The following WNT8A variants were observed in gnomAD, a reference collection of about 807,000 sequenced individuals.
WNT8A encodes the protein Wnt family member 8A.
A neutral mutation model predicts 20.5 loss-of-function variants in WNT8A; 14 were observed. The observed-to-expected ratio is 0.68, with a 90% CI of 0.45 to 1.07. The LOEUF (loss-of-function observed/expected upper bound fraction) is 1.07, where lower values mean the gene tolerates loss of function less well. WNT8A is among the 50% of genes least tolerant of loss of function. The probability of loss-of-function intolerance (pLI) is 0.00; values close to 1 mark genes in which losing one functional copy is unlikely to be tolerated. For synonymous variants in WNT8A, 167 were observed against 169.2 expected (o/e 0.99, Z 0.10); for missense variants, 397 against 462.9 (o/e 0.86, Z 1.31).
chr5:138,085,873 A>G (rs1750645270), intron 2 of WNT8A, among the ~76,000 whole-genome samples: 1 of 151,660 alleles, frequency 6.6e-6, no homozygotes, highest in African/African-American at 2.4e-5. Flanking sequence ...AAAAAAAAAA[A>G]AAGATGAGGT....
rs546666934 is a variant in WNT8A, at chr5:138,084,515, G to C, written c.174G>C (p.Thr58=). The C allele has an allele frequency of 1.2e-6, 2 of 1,611,852 alleles. No homozygotes were observed. Among genetic ancestry groups the C allele is most frequent in the Non-Finnish European group, 1.7e-6 (2 of 1,178,872 alleles). ...TTTGCCAGGCCTATCTGACCTACAC[G>C]ACTAGTGTGGCCTTGGGTGCCCAGA... is the stretch of plus-strand genomic sequence containing the variant. ...ITGPKAYLTY[T]TSVALGAQSG... The change falls in exon 2 of 5, where the codon ACG becomes ACC. Residue 58 remains threonine, a synonymous_variant. Transcript: ENST00000506684.
In WNT8A at chr5:138,091,315, C is replaced by A. The variant is rs754071189; in HGVS notation, c.*242C>A. Reference sequence around the variant, plus strand: ...ACCCCCATTTCATCTTTCCTGCAAACTACTTTCCCATCTTTGTGCCTGTAC... The same window carrying A: ...ACCCCCATTTCATCTTTCCTGCAAAATACTTTCCCATCTTTGTGCCTGTAC... On this transcript the variant is annotated 3_prime_UTR_variant, in exon 5 of 5. Coordinates refer to ENST00000506684, the MANE Select transcript of WNT8A (RefSeq NM_001300939.2). The A allele has an allele frequency of 2.6e-6, 4 of 1,517,018 alleles. No homozygotes were observed. In the Admixed American group the frequency reaches 7.0e-5, roughly 26 times the overall value. 94.0% of individuals were successfully genotyped at this position (1,517,018 alleles called of 1,614,324 possible).
intron 2 of WNT8A, among the ~76,000 whole-genome samples, chr5:138,085,853 CAAA>C (rs11377173): frequency 2.8e-4 from 21 of 74,918 alleles, no homozygotes; most frequent in African/African-American, 9.6e-4. Context: ...GACCTTGTCT[CAAA>C]AAAAAAAAAA....
chr5:138,083,434 C>T (rs1750560667), upstream of WNT8A, among the ~76,000 whole-genome samples: 1 of 152,086 alleles, frequency 6.6e-6, no homozygotes. Context: ...AAGGAAATTT[C>T]CCAGCAGTTG....
chr5:138,086,587 A>C (rs1159051652), intron 2 of WNT8A, among the ~76,000 whole-genome samples: 2 of 151,998 alleles, frequency 1.3e-5, no homozygotes, highest in Non-Finnish European at 2.9e-5. Context: ...GAGGCTGAAA[A>C]AATATGCATT....
downstream of WNT8A, chr5:138,091,610 T>A (rs1581365138): frequency 1.2e-6 from 1 of 813,100 alleles, no homozygotes; most frequent in East Asian, 6.4e-5. Context: ...AAGTATGCAC[T>A]TTTGAAAAGC....
At chr5:138,090,005 G>T (rs2151148363) in intron 4 of WNT8A, among the ~76,000 whole-genome samples, 1 of 152,234 alleles carries the variant, frequency 6.6e-6, no homozygotes, top group South Asian at 2.1e-4. Context: ...GTAATTCATT[G>T]CCTTGGGGGT....
At chr5:138,087,733 T>C (rs1750716642) in intron 2 of WNT8A, 73 bp from the exon 3 acceptor site, 2 of 1,521,274 alleles carry the variant, frequency 1.3e-6, no homozygotes, top group Non-Finnish European at 1.8e-6. Flanking sequence ...ATAAACAGTA[T>C]TATTTTTCCA....
chr5:138,090,873 G>A lies in WNT8A; in HGVS notation c.910G>A (p.Glu304Lys). The change falls in exon 5 of 5, where the codon GAG becomes AAG. Residue 304 changes from glutamate to lysine, a missense_variant. By Grantham distance (56) the Glu-to-Lys change is moderately conservative. Coordinates refer to ENST00000506684, the MANE Select transcript of WNT8A (RefSeq NM_001300939.2). Reference sequence around the variant, plus strand: ...GAACAGCCACAACACATCCAGGTGGGAGCGACGTAGCTGTGGGCGCCTGTG... The same window carrying A: ...GAACAGCCACAACACATCCAGGTGGAAGCGACGTAGCTGTGGGCGCCTGTG... Reference protein sequence around the residue: ...LQNSHNTSRWERRSCGRLCTE... With the variant: ...LQNSHNTSRWKRRSCGRLCTE... 6.2e-7 allele frequency: 1 copy of A among 1,614,226 alleles called. No individual in the cohort carries two copies. Among genetic ancestry groups the A allele is most frequent in the Non-Finnish European group, 8.5e-7 (1 of 1,180,038 alleles).
In WNT8A at chr5:138,091,056, G is replaced by T; in HGVS notation, c.1093G>T (p.Gly365Cys). ...ARSPGSAQSL[G>C]KGSA is the part of the protein sequence containing the mutation. ...CTCCCCAGGCAGTGCCCAGTCCCTGGGTAAGGGCAGTGCCTGATAATACCC... is the reference window on the plus strand; with the variant it reads ...CTCCCCAGGCAGTGCCCAGTCCCTGTGTAAGGGCAGTGCCTGATAATACCC... The change falls in exon 5 of 5, where the codon GGT becomes TGT. Residue 365 changes from glycine (G) to cysteine (C), a missense_variant. Coordinates refer to ENST00000506684, the MANE Select transcript of WNT8A (RefSeq NM_001300939.2). The T allele has an allele frequency of 6.2e-7, 1 of 1,611,936 alleles. No homozygotes were observed. The highest frequency in any genetic ancestry group is 2.2e-5 in the East Asian group (1 of 44,860).
At chr5:138,079,613 A>G (rs73792425), upstream of WNT8A, among the ~76,000 whole-genome samples, 25,682 of 152,032 alleles carry the variant, frequency 0.17, 2,287 homozygotes, top group African/African-American at 0.18. Context: ...CACCCAAGCC[A>G]GTTGTTAATC....
In WNT8A at chr5:138,084,655, C is replaced by T. The variant is rs1022529531; in HGVS notation, c.295+19C>T. On this transcript the variant is annotated intron_variant, in intron 2 of 4. Coordinates refer to ENST00000506684, the MANE Select transcript of WNT8A (RefSeq NM_001300939.2). Reference sequence around the variant, plus strand: ...AGAAGTGGTAAGTTTGTGTGGGACTCACCTGTACAAGGGGTATATATGTGA... The same window carrying T: ...AGAAGTGGTAAGTTTGTGTGGGACTTACCTGTACAAGGGGTATATATGTGA... The T allele has an allele frequency of 6.3e-7, 1 of 1,595,954 alleles. No homozygotes were observed. Among genetic ancestry groups the T allele is most frequent in the African/African-American group, 1.3e-5 (1 of 74,626 alleles).
upstream of WNT8A, chr5:138,083,897 C>G (rs1169756307): frequency 5.8e-6 from 3 of 517,638 alleles, no homozygotes; most frequent in Non-Finnish European, 9.9e-6. Flanking sequence ...AACTGAGTCC[C>G]TCCTCCCAGA....
intron 2 of WNT8A, among the ~76,000 whole-genome samples, chr5:138,085,620 AG>A (rs890969756): frequency 2.0e-5 from 3 of 152,108 alleles, no homozygotes; most frequent in African/African-American, 7.2e-5. Flanking sequence ...AGGCTAAGGC[AG>A]GAGGATCGCT....
At chr5:138,087,228 G>GCATA (rs2151146224) in intron 2 of WNT8A, among the ~76,000 whole-genome samples, 1 of 151,556 alleles carries the variant, frequency 6.6e-6, no homozygotes, top group African/African-American at 2.4e-5. Context: ...GTGGTGGCAT[G>GCATA]TACCTGCTAC....
chr5:138,084,746 C>A lies in WNT8A; in HGVS notation c.295+110C>A, dbSNP rs1284690169. ...ATTGCACAGTGAAATAAAAATGCTGCCAGTGACCTGCTGACCTGCCATTTC... is the reference window on the plus strand; with the variant it reads ...ATTGCACAGTGAAATAAAAATGCTGACAGTGACCTGCTGACCTGCCATTTC... On this transcript the variant is annotated intron_variant, in intron 2 of 4. Coordinates refer to ENST00000506684, the MANE Select transcript of WNT8A (RefSeq NM_001300939.2). 4.9e-5 allele frequency: 66 copies of A among 1,335,592 alleles called. 1 individual carries two copies. The South Asian group carries it at 1.1e-3, about 22-fold the overall frequency. The allele number at this position is 1,335,592 out of a possible 1,614,324, so 82.7% of individuals were successfully genotyped here.
chr5:138,083,902 C>T (rs923771085), upstream of WNT8A: 1 of 535,718 alleles, frequency 1.9e-6, no homozygotes, highest in African/African-American at 1.9e-5. Context: ...AGTCCCTCCT[C>T]CCAGATCCCC....
At chr5:138,089,790 A>G (rs1214110255) in intron 4 of WNT8A, among the ~76,000 whole-genome samples, 1 of 152,044 alleles carries the variant, frequency 6.6e-6, no homozygotes, top group Non-Finnish European at 1.5e-5. Context: ...GCCTCCTGAG[A>G]ACCTGGGACT....
At chr5:138,091,828 AAAATAAATAAAT>A (rs200860443), downstream of WNT8A, among the ~76,000 whole-genome samples, 4,905 of 134,160 alleles carry the variant, frequency 0.037, 115 homozygotes, top group Admixed American at 0.058. Context: ...CCCTGACTAA[AAAATAAATAAAT>A]AAATAAATAA....
Sources: gnomAD v4.1 joint callset for allele counts (sites outside exome capture counted in the v4.1 genomes callset) on GRCh38, gnomAD v4.1.1 for gene constraint, MANE v1.5 for transcripts, NCBI Gene and HGNC (gene_info 2026-07-23, HGNC 2026-07-21) for gene names.